Variants in CIMAP1D observed in about 807,000 individuals in gnomAD.
CIMAP1D encodes CIMAP1 family member D, also known as protein CIMAP1D.
At chr19:476,124 G>A in the CIMAP1D span, among the ~76,000 whole-genome samples, 2 of 150,126 alleles carry the variant, frequency 1.3e-5, no homozygotes, top group Middle Eastern at 3.5e-3. Context: ...TCAGCCTCTC[G>A]AGTAGCTGGG....
the CIMAP1D span, among the ~76,000 whole-genome samples, chr19:468,943 C>A: frequency 7.2e-6 from 1 of 138,690 alleles, no homozygotes; most frequent in Non-Finnish European, 1.6e-5. Flanking sequence ...CCAGACCTCC[C>A]CGAAACGTCA....
the CIMAP1D span, chr19:474,980 G>C: frequency 4.9e-6 from 2 of 406,878 alleles, no homozygotes; most frequent in Non-Finnish European, 8.7e-6. Context: ...GGCCGGGATC[G>C]AGTGTCGGCC....
At chr19:483,602 G>A in the CIMAP1D span, among the ~76,000 whole-genome samples, 3 of 152,214 alleles carry the variant, frequency 2.0e-5, no homozygotes, top group African/African-American at 7.2e-5. Context: ...CGTCACGACT[G>A]GGGGAGCTCC....
the CIMAP1D span, among the ~76,000 whole-genome samples, chr19:475,457 C>T: frequency 6.2e-4 from 95 of 152,232 alleles, 3 homozygotes; most frequent in South Asian, 0.015. Flanking sequence ...TGAGGGAAAA[C>T]GCAGACAGGT....
At chr19:467,848 G>A in the CIMAP1D span, 3 of 835,110 alleles carry the variant, frequency 3.6e-6, no homozygotes, top group Non-Finnish European at 5.7e-6. Context: ...TCTTGGCCCC[G>A]AGACACTCCC....
chr19:472,592 C>T, the CIMAP1D span: 34 of 897,350 alleles, frequency 3.8e-5, no homozygotes, highest in Non-Finnish European at 5.1e-5. Context: ...GCCTGGGTTC[C>T]CCTCTCCCTC....
chr19:490,836 C>T, the CIMAP1D span, among the ~76,000 whole-genome samples: 2 of 152,184 alleles, frequency 1.3e-5, no homozygotes, highest in African/African-American at 4.8e-5. Flanking sequence ...CGGTGGCTCA[C>T]GCCTGTAATC....
At chr19:467,804 C>G in the CIMAP1D span, 1 of 1,300,570 alleles carries the variant, frequency 7.7e-7, no homozygotes, top group Non-Finnish European at 1.1e-6. Flanking sequence ...ATTCTGAAGA[C>G]AGTGCCTGCC....
At chr19:467,512 T>A in the CIMAP1D span, 1 of 706,030 alleles carries the variant, frequency 1.4e-6, no homozygotes, top group South Asian at 1.6e-5. Flanking sequence ...CTCCTCCGTG[T>A]CCCTTGGATT....
At chr19:480,872 A>C in the CIMAP1D span, among the ~76,000 whole-genome samples, 1 of 53,042 alleles carries the variant, frequency 1.9e-5, no homozygotes, top group Non-Finnish European at 3.4e-5. Flanking sequence ...CGATGATGGA[A>C]AACGATGATG....
the CIMAP1D span, chr19:472,408 C>T: frequency 4.5e-6 from 7 of 1,539,178 alleles, no homozygotes; most frequent in Non-Finnish European, 6.1e-6. Context: ...ACTGGGCCTC[C>T]GGACGAGCGA....
chr19:484,499 C>T, the CIMAP1D span, among the ~76,000 whole-genome samples: 23 of 152,274 alleles, frequency 1.5e-4, no homozygotes, highest in African/African-American at 3.4e-4. Context: ...TGTGCAGTGA[C>T]GTGATCACAG....
At chr19:488,112 C>T in the CIMAP1D span, among the ~76,000 whole-genome samples, 1 of 152,152 alleles carries the variant, frequency 6.6e-6, no homozygotes, top group African/African-American at 2.4e-5. Flanking sequence ...GGGAGCTCGG[C>T]TCTTGGGACA....
the CIMAP1D span, chr19:463,996 G>C: frequency 6.2e-7 from 1 of 1,609,462 alleles, no homozygotes; most frequent in Non-Finnish European, 8.5e-7. Flanking sequence ...TGGGCGCCAG[G>C]GCCGGGGGTC....
At chr19:481,898 C>G in the CIMAP1D span, among the ~76,000 whole-genome samples, 1 of 151,040 alleles carries the variant, frequency 6.6e-6, no homozygotes, top group Admixed American at 6.6e-5. Flanking sequence ...ACTTCAGCCT[C>G]TGGAGTAGCT....
the CIMAP1D span, among the ~76,000 whole-genome samples, chr19:481,896 C>T: frequency 1.3e-5 from 2 of 151,314 alleles, no homozygotes; most frequent in Non-Finnish European, 2.9e-5. Context: ...CCACTTCAGC[C>T]TCTGGAGTAG....
the CIMAP1D span, among the ~76,000 whole-genome samples, chr19:466,169 G>GTAGAGGGTAGATGGATGGGTGGA: frequency 2.4e-5 from 3 of 125,102 alleles, no homozygotes; most frequent in Admixed American, 8.7e-5. Flanking sequence ...ACATGGTTAG[G>GTAGAGGGTAGATGGATGGGTGGA]TAGATGGTAG....
At chr19:480,217 G>T in the CIMAP1D span, among the ~76,000 whole-genome samples, 3 of 152,260 alleles carry the variant, frequency 2.0e-5, no homozygotes, top group Non-Finnish European at 4.4e-5. Flanking sequence ...GACGAGGCCC[G>T]TGCAGCTGGA....
At chr19:470,402 G>A in the CIMAP1D span, among the ~76,000 whole-genome samples, 11 of 151,718 alleles carry the variant, frequency 7.3e-5, no homozygotes, top group Admixed American at 5.3e-4. Context: ...TAGTAGAGAC[G>A]GAGTTTCACC....
Sources: gnomAD v4.1 joint callset for allele counts (sites outside exome capture counted in the v4.1 genomes callset) on GRCh38, gnomAD v4.1.1 for gene constraint, MANE v1.5 for transcripts, NCBI Gene and HGNC (gene_info 2026-07-23, HGNC 2026-07-21) for gene names.